Variants in ZFHX3 observed in about 807,000 individuals in gnomAD.
The protein encoded by ZFHX3 is zinc finger homeobox 3, also known as zinc finger homeobox protein 3.
A neutral mutation model predicts 279.1 loss-of-function variants in ZFHX3; 42 were observed. The observed-to-expected ratio is 0.15, with a 90% CI of 0.12 to 0.19. The LOEUF (loss-of-function observed/expected upper bound fraction) is 0.19. Among genes scored for constraint, ZFHX3 ranks in the 10% least tolerant of loss-of-function variants. ZFHX3 has a pLI of 1.00. For missense variants in ZFHX3, 4,981 were observed against 4,754.0 expected (o/e 1.05, Z -1.40); for synonymous variants, 2,293 against 1,957.8 (o/e 1.17, Z -4.52).
At chr16:73,235,464 C>T (rs1043724350) in intron 5 of ZFHX3, among the ~76,000 whole-genome samples, 3 of 152,078 alleles carry the variant, frequency 2.0e-5, no homozygotes, top group Non-Finnish European at 4.4e-5. Context: ...GGCTTTAAAC[C>T]AGGGGTCATA....
rs560088486 is a variant in ZFHX3, at chr16:73,599,477, T to C, written c.-1547+80703A>G. ...TGGCTGCACAGCATTACAGCAGAAG[T>C]GGGGCCCTTCTGGGCACAGGGCTCC... On this transcript the variant is annotated intron_variant, in intron 2 of 17. Transcript: ENST00000641206. Among the ~76,000 whole-genome samples the C allele has an allele frequency of 4.0e-4, 61 of 152,344 alleles. 1 individual carries two copies. The highest frequency in any genetic ancestry group is 3.4e-3 in the Middle Eastern group (1 of 294).
rs145377511 is a variant in ZFHX3 at position 73,221,471 on chromosome 16, A to G, written c.-1104+35576T>C. 1.1e-4 allele frequency among the ~76,000 whole-genome samples: 16 copies of G among 152,240 alleles called. No homozygotes were observed. The East Asian group carries it at 3.1e-3, about 29-fold the overall frequency. On this transcript the variant is annotated intron_variant, in intron 5 of 17. Coordinates refer to the ZFHX3 transcript ENST00000641206. ...TGATCTCCTATCTATACTAATCTGT[A>G]ACCTCTTAAAAAATCACATATCACA...
In ZFHX3 at chr16:73,296,877, A is replaced by ATTT. The variant is rs201366558; in HGVS notation, c.-1194+21360_-1194+21362dup. Among the ~76,000 whole-genome samples the ATTT allele has an allele frequency of 3.4e-3, 391 of 116,080 alleles. 18 individuals are homozygous for ATTT. Among genetic ancestry groups the ATTT allele is most frequent in the African/African-American group, 0.013 (362 of 28,734 alleles). The allele number at this position is 116,080 out of a possible 152,430, so 76.2% of individuals were successfully genotyped here. Reference sequence around the variant, plus strand: ...TTTATAATTGCCATGTGAAGCAGGAATTTTTTTTTTTTTTTTTTTGAGACG... The same window carrying ATTT: ...TTTATAATTGCCATGTGAAGCAGGAATTTTTTTTTTTTTTTTTTTTTTGAGACG... On this transcript the variant is annotated intron_variant, in intron 4 of 17. Coordinates refer to the ZFHX3 transcript ENST00000641206.
chr16:73,137,996 G>C (rs1356693400), intron 6 of ZFHX3, among the ~76,000 whole-genome samples: 1 of 152,108 alleles, frequency 6.6e-6, no homozygotes, highest in East Asian at 1.9e-4. Flanking sequence ...GAAAATCCCT[G>C]TATTCTAATG....
intron 1 of ZFHX3, among the ~76,000 whole-genome samples, chr16:73,790,328 G>C (rs1224970430): frequency 6.7e-6 from 1 of 148,276 alleles, no homozygotes; most frequent in Non-Finnish European, 1.5e-5. Flanking sequence ...AGATACAGTT[G>C]TCTATTAAAA....
intron 2 of ZFHX3, among the ~76,000 whole-genome samples, chr16:73,457,422 T>C (rs936374539): frequency 2.6e-5 from 4 of 152,178 alleles, no homozygotes; most frequent in African/African-American, 4.8e-5. Flanking sequence ...GCATTATTAG[T>C]AGAAGGGCCT....
intron 5 of ZFHX3, among the ~76,000 whole-genome samples, chr16:73,228,114 C>T (rs1295613837): frequency 6.6e-6 from 1 of 152,088 alleles, no homozygotes; most frequent in East Asian, 1.9e-4. Context: ...AGTCTGGCTC[C>T]TATACAAGTA....
At chr16:73,755,619 C>T (rs1295253543) in intron 1 of ZFHX3, among the ~76,000 whole-genome samples, 1 of 152,124 alleles carries the variant, frequency 6.6e-6, no homozygotes, top group Non-Finnish European at 1.5e-5. Context: ...GTTTAGGAAT[C>T]CTGCAGGCAT....
At chr16:73,701,099 G>A (rs1468081806) in intron 1 of ZFHX3, among the ~76,000 whole-genome samples, 1 of 152,150 alleles carries the variant, frequency 6.6e-6, no homozygotes, top group Non-Finnish European at 1.5e-5. Flanking sequence ...CTACACCCAA[G>A]GGAGATGCAG....
chr16:72,948,150 G>A (rs74368856), intron 3 of ZFHX3, among the ~76,000 whole-genome samples: 5,168 of 152,262 alleles, frequency 0.034, 181 homozygotes, highest in African/African-American at 0.082. Context: ...GGCGAAGCCC[G>A]GGCAGGCACA....
In ZFHX3 at chr16:72,785,160, G is replaced by GCAT. The variant is rs2035308109; in HGVS notation, c.*2001_*2003dup. 2 of 152,756 alleles carry GCAT rather than the reference G, an allele frequency of 1.3e-5. No individual in the cohort carries two copies. Among genetic ancestry groups the GCAT allele is most frequent in the African/African-American group, 4.8e-5 (2 of 41,568 alleles). The allele number at this position is 152,756 out of a possible 1,614,324, so 9.5% of individuals were successfully genotyped here. ...TTAGCTATGAAAGTGAAACAGCAAA[G>GCAT]CATCTATTTATTTGTCTCCAAAATC... On this transcript the variant is annotated 3_prime_UTR_variant, in exon 10 of 10. Coordinates refer to ENST00000268489, the MANE Select transcript of ZFHX3 (RefSeq NM_006885.4).
At chr16:73,293,912 C>T (rs1046215449) in intron 4 of ZFHX3, 8 of 142,860 alleles carry the variant, frequency 5.6e-5, no homozygotes, top group African/African-American at 1.6e-4. Flanking sequence ...TTGTTTCATC[C>T]GTTTTACTTT....
At chr16:73,600,734 T>C (rs1047844629) in intron 2 of ZFHX3, among the ~76,000 whole-genome samples, 3 of 152,238 alleles carry the variant, frequency 2.0e-5, no homozygotes, top group Middle Eastern at 3.4e-3. Flanking sequence ...TCTCTTCTAA[T>C]GGCATCATGG....
chr16:73,121,776 C>T (rs1384562002), intron 7 of ZFHX3, among the ~76,000 whole-genome samples: 7 of 151,862 alleles, frequency 4.6e-5, no homozygotes, highest in Non-Finnish European at 1.0e-4. Flanking sequence ...CCACCACACC[C>T]GGCTAATTTT....
At chr16:73,529,199 C>T (rs974038610) in intron 2 of ZFHX3, among the ~76,000 whole-genome samples, 12 of 152,138 alleles carry the variant, frequency 7.9e-5, no homozygotes, top group African/African-American at 2.2e-4. Context: ...GCCAGTTAGA[C>T]CCCTTGTATG....
upstream of ZFHX3, among the ~76,000 whole-genome samples, chr16:73,052,126 A>G (rs1156966977): frequency 6.6e-6 from 1 of 152,134 alleles, no homozygotes; most frequent in Non-Finnish European, 1.5e-5. Context: ...TTGGAGGGGA[A>G]GCAGGTTGGA....
chr16:73,152,274 G>A (rs559262583), intron 5 of ZFHX3, among the ~76,000 whole-genome samples: 4 of 152,204 alleles, frequency 2.6e-5, no homozygotes, highest in African/African-American at 7.2e-5. Context: ...TTCAAGAATC[G>A]CATTCTATTC....
intron 1 of ZFHX3, among the ~76,000 whole-genome samples, chr16:73,878,631 T>C (rs2030032821): frequency 6.6e-6 from 1 of 152,124 alleles, no homozygotes; most frequent in East Asian, 1.9e-4. Context: ...TTTCTTTTTT[T>C]TTCTTTTTCT....
intron 2 of ZFHX3, among the ~76,000 whole-genome samples, chr16:73,474,140 T>C (rs1191255376): frequency 2.7e-5 from 4 of 149,898 alleles, no homozygotes; most frequent in Non-Finnish European, 4.4e-5. Flanking sequence ...TTTATTTATT[T>C]ATTTATTTAT....
Sources: allele counts gnomAD v4.1 joint callset (sites outside exome capture counted in the v4.1 genomes callset), GRCh38; gene constraint gnomAD v4.1.1; transcripts MANE v1.5; gene names NCBI Gene and HGNC (gene_info 2026-07-23, HGNC 2026-07-21).